The following PCGF3 variants were observed in gnomAD, a reference collection of about 807,000 sequenced individuals.
The protein encoded by PCGF3 is polycomb group ring finger 3.
In PCGF3, 7 loss-of-function variants were observed where a neutral mutation model predicts 33.1. The observed-to-expected ratio is 0.21, with a 90% CI of 0.12 to 0.40. PCGF3 has a LOEUF of 0.40. Ranked by LOEUF, PCGF3 falls within the 10% of genes least tolerant of loss-of-function variation. PCGF3 has a pLI of 1.00. For synonymous variants in PCGF3, 153 were observed against 121.3 expected, an observed-to-expected ratio of 1.26 and a Z score of -1.72; for missense variants, 211 against 313.3, an observed-to-expected ratio of 0.67 and a Z score of 2.46.
Position 720,447 on chromosome 4 carries a change from A to G in PCGF3, c.-189-10183A>G, listed in dbSNP as rs906209494. On this transcript the variant is annotated intron_variant, in intron 1 of 10. Transcript: ENST00000362003. This position sits in a 1 kb window ranked among gnomAD's most constrained non-coding sequence, Gnocchi z 5.6. Reference sequence around the variant, plus strand: ...TGGGGCTGCCCGTCCAGAGAGGTGCAGGGTCTCTTGTCAGGTGGACAGGGG... The same window carrying G: ...TGGGGCTGCCCGTCCAGAGAGGTGCGGGGTCTCTTGTCAGGTGGACAGGGG... Among the ~76,000 whole-genome samples the G allele has an allele frequency of 1.3e-5, 2 of 152,160 alleles. No individual in the cohort carries two copies. Among genetic ancestry groups the G allele is most frequent in the African/African-American group, 4.8e-5 (2 of 41,436 alleles).
chr4:714,254 A>G (rs1416389388), intron 1 of PCGF3, among the ~76,000 whole-genome samples: 1 of 152,178 alleles, frequency 6.6e-6, no homozygotes, highest in Non-Finnish European at 1.5e-5. Flanking sequence ...GCTCGGCCTA[A>G]GGTGCTTCGG....
At chr4:713,193 T>TC (rs1290998733) in intron 1 of PCGF3, among the ~76,000 whole-genome samples, 2 of 122,112 alleles carry the variant, frequency 1.6e-5, no homozygotes, top group Non-Finnish European at 3.3e-5. Flanking sequence ...GCCTTGTGGG[T>TC]CCTGTGTGGC....
intron 1 of PCGF3, among the ~76,000 whole-genome samples, chr4:709,803 C>T (rs752607247): frequency 2.0e-5 from 3 of 152,218 alleles, no homozygotes; most frequent in Admixed American, 1.3e-4. Flanking sequence ...TTTCAGGGTA[C>T]TCAGTGTCAG....
intron 7 of PCGF3, 29 bp from the exon 8 acceptor site, chr4:744,571 G>T (rs1297792825): frequency 1.3e-6 from 2 of 1,496,712 alleles, no homozygotes; most frequent in Non-Finnish European, 1.8e-6. Context: ...TGGATTTCAT[G>T]GTGCGCTATG....
chr4:733,573 GCCTGCACTGTCCT>G (rs1485838477), intron 3 of PCGF3, 86 bp from the exon 4 acceptor site: 8 of 1,265,474 alleles, frequency 6.3e-6, no homozygotes, highest in Non-Finnish European at 8.7e-6. Flanking sequence ...AGGCCTCAGG[GCCTGCACTGTCCT>G]CCCTGGGGGC....
intron 1 of PCGF3, chr4:722,284 A>T (rs1255139439): frequency 6.1e-6 from 1 of 163,624 alleles, no homozygotes. Context: ...CAAAACAAAA[A>T]GCAGAAGCTA....
chr4:730,757 C>A, intron 2 of PCGF3, 89 bp downstream of exon 2: 2 of 352,032 alleles, frequency 5.7e-6, no homozygotes, highest in Non-Finnish European at 1.0e-5. Flanking sequence ...ATGTGGTCGG[C>A]GTTCCTTGCA....
At chr4:715,102 T>A (rs35834462) in intron 1 of PCGF3, among the ~76,000 whole-genome samples, 246 of 46,408 alleles carry the variant, frequency 5.3e-3, no homozygotes, top group Middle Eastern at 0.028. Context: ...CCCTGTAGAC[T>A]CTGTGAGTGT....
At chr4:715,440 G>T (rs868443060) in intron 1 of PCGF3, among the ~76,000 whole-genome samples, 1 of 122,672 alleles carries the variant, frequency 8.2e-6, no homozygotes, top group Non-Finnish European at 1.9e-5. Flanking sequence ...TCGGTGCTGG[G>T]ACCCTGTAGA....
At chr4:765,258 C>A in intron 10 of PCGF3, among the ~76,000 whole-genome samples, 194 bp downstream of exon 10, 1 of 152,152 alleles carries the variant, frequency 6.6e-6, no homozygotes, top group Non-Finnish European at 1.5e-5. Context: ...ATGGTGAAAC[C>A]CAATCTCTAC....
At chr4:727,090 G>A (rs577035308) in intron 1 of PCGF3, among the ~76,000 whole-genome samples, 53 of 151,946 alleles carry the variant, frequency 3.5e-4, no homozygotes, top group African/African-American at 1.3e-3. Flanking sequence ...CCGCATCTGC[G>A]TGGGGAGGGG....
At chr4:713,362 G>A (rs1742663452) in intron 1 of PCGF3, among the ~76,000 whole-genome samples, 1 of 144,014 alleles carries the variant, frequency 6.9e-6, no homozygotes, top group South Asian at 2.4e-4. Flanking sequence ...GGTCCTGTGT[G>A]TCTCATGGGA....
At chr4:766,370 A>G (rs1051111203) in exon 11 of PCGF3, 1 of 307,182 alleles carries the variant, frequency 3.3e-6, no homozygotes, top group African/African-American at 2.2e-5. Flanking sequence ...GTTCTGAGTC[A>G]CCTTCTGACA....
intron 8 of PCGF3, among the ~76,000 whole-genome samples, chr4:760,205 G>A (rs1398090514): frequency 6.6e-6 from 1 of 152,188 alleles, no homozygotes; most frequent in Non-Finnish European, 1.5e-5. Context: ...TGAATCTGAG[G>A]ACTGCCCTTC....
At chr4:712,918 A>C (rs1742635948) in intron 1 of PCGF3, among the ~76,000 whole-genome samples, 1 of 152,240 alleles carries the variant, frequency 6.6e-6, no homozygotes, top group Admixed American at 6.5e-5. Context: ...GACTTCCTTG[A>C]AACTCCCTCT....
rs1743067063 is a variant in PCGF3, at chr4:721,344, A to G, written c.-189-9286A>G. ...ACAACAGAAACTTCAAGGCTGTCCTAAGATATGGGTGGCAGAAGAAAATGT... is the reference window on the plus strand; with the variant it reads ...ACAACAGAAACTTCAAGGCTGTCCTGAGATATGGGTGGCAGAAGAAAATGT... On this transcript the variant is annotated intron_variant, in intron 1 of 10. Transcript: ENST00000362003. This position sits in a 1 kb window ranked among gnomAD's most constrained non-coding sequence, Gnocchi z 4.1. Among the ~76,000 whole-genome samples, 1 of 152,148 alleles carries G rather than the reference A, an allele frequency of 6.6e-6. No individual in the cohort carries two copies. The highest frequency in any genetic ancestry group is 2.4e-5 in the African/African-American group (1 of 41,418).
Position 711,169 on chromosome 4 carries a change from G to A in PCGF3, c.-190+5199G>A, listed in dbSNP as rs1742545349. On this transcript the variant is annotated intron_variant, in intron 1 of 10. Coordinates refer to ENST00000362003, the Ensembl canonical transcript of PCGF3. Reference sequence around the variant, plus strand: ...GGGCTGGAGCTAGGGCCGGGAAGGGGGCCTGTTCTGGACTCTGGAGACCTC... The same window carrying A: ...GGGCTGGAGCTAGGGCCGGGAAGGGAGCCTGTTCTGGACTCTGGAGACCTC... Among the ~76,000 whole-genome samples, 3 of 152,194 alleles carry A rather than the reference G, an allele frequency of 2.0e-5. No individual in the cohort carries two copies. The South Asian group carries it at 6.2e-4, about 32-fold the overall frequency.
chr4:739,730 C>T (rs1432092579), intron 6 of PCGF3, among the ~76,000 whole-genome samples: 9 of 152,230 alleles, frequency 5.9e-5, no homozygotes, highest in Non-Finnish European at 1.0e-4. Context: ...CTCGTCTCCA[C>T]GTGTTAGTTG....
chr4:754,018 C>T (rs1272620743), intron 8 of PCGF3, among the ~76,000 whole-genome samples: 1 of 152,184 alleles, frequency 6.6e-6, no homozygotes, highest in Non-Finnish European at 1.5e-5. Context: ...GCAGGAGTCG[C>T]CTCCGTCTTT....
Sources: allele counts gnomAD v4.1 joint callset (sites outside exome capture counted in the v4.1 genomes callset), GRCh38; gene constraint gnomAD v4.1.1; non-coding constraint Gnocchi (gnomAD v3.1); transcripts MANE v1.5; gene names NCBI Gene and HGNC (gene_info 2026-07-23, HGNC 2026-07-21).